The following ITGA11 variants were observed in gnomAD, a reference collection of about 807,000 sequenced individuals.
ITGA11 encodes the protein integrin alpha-11.
Under a neutral mutation model 141.9 loss-of-function variants are expected in ITGA11, and 97 were observed. The observed-to-expected ratio is 0.68, with a 90% confidence interval of 0.58 to 0.81. The LOEUF is 0.81. ITGA11 is among the 30% of genes least tolerant of loss of function. The pLI is 0.00. For synonymous variants in ITGA11, 658 were observed against 624.6 expected (o/e 1.05, Z -0.80); for missense variants, 1,387 against 1,559.2 (o/e 0.89, Z 1.86).
chr15:68,412,451 G>GA (rs1896794804), intron 1 of ITGA11, among the ~76,000 whole-genome samples: 1 of 152,058 alleles, frequency 6.6e-6, no homozygotes, highest in Non-Finnish European at 1.5e-5. Context: ...GGGAATGACA[G>GA]ACGCAGACCC....
At chr15:68,396,657 A>C (rs957775950) in intron 2 of ITGA11, among the ~76,000 whole-genome samples, 1 of 151,444 alleles carries the variant, frequency 6.6e-6, no homozygotes, top group Non-Finnish European at 1.5e-5. Flanking sequence ...ATCTGATTGT[A>C]TATGTAGAAA....
intron 9 of ITGA11, among the ~76,000 whole-genome samples, 183 bp from the exon 10 acceptor site, chr15:68,349,083 C>T (rs931439357): frequency 6.6e-6 from 1 of 152,188 alleles, no homozygotes; most frequent in Non-Finnish European, 1.5e-5. Context: ...TCCCCAGCAC[C>T]CTGTGCAGTG....
chr15:68,330,273 T>A (rs1224385360), intron 15 of ITGA11, among the ~76,000 whole-genome samples: 4 of 152,238 alleles, frequency 2.6e-5, no homozygotes, highest in Non-Finnish European at 4.4e-5. Context: ...TTCAATGCCT[T>A]TTTAAAGTTG....
rs571996838 is a variant in ITGA11, at chr15:68,384,078, C to CTCCT, written c.165-14798_165-14795dup. On this transcript the variant is annotated intron_variant, in intron 2 of 29. Transcript: ENST00000315757. ...CCTCTAAAAGCATGCAATGGCTGAA[C>CTCCT]TCCTGCCTTTCCGAGTTCAGCACTA... Among the ~76,000 whole-genome samples, 91 of 152,176 alleles carry CTCCT rather than the reference C, an allele frequency of 6.0e-4. 2 individuals carry two copies. In the East Asian group the frequency reaches 0.013, roughly 22 times the overall value.
At chr15:68,330,548 G>A (rs1894122660) in intron 15 of ITGA11, among the ~76,000 whole-genome samples, 2 of 150,620 alleles carry the variant, frequency 1.3e-5, no homozygotes, top group Admixed American at 6.7e-5. Flanking sequence ...TGTTTAGGAA[G>A]CATGAAAATG....
At chr15:68,401,866 G>T (rs1347202696) in intron 2 of ITGA11, among the ~76,000 whole-genome samples, 1 of 152,140 alleles carries the variant, frequency 6.6e-6, no homozygotes, top group East Asian at 1.9e-4. Flanking sequence ...TAATAAGTAA[G>T]ATATTTCTTT....
At chr15:68,320,162 T>G (rs188663266) in intron 20 of ITGA11, 23 bp downstream of exon 20, 1 of 1,609,640 alleles carries the variant, frequency 6.2e-7, no homozygotes, top group African/African-American at 1.3e-5. Context: ...AGAGGCAGTC[T>G]GGGCAGGTCG....
chr15:68,429,902 G>T (rs1897232060), intron 1 of ITGA11, among the ~76,000 whole-genome samples: 1 of 152,098 alleles, frequency 6.6e-6, no homozygotes, highest in Non-Finnish European at 1.5e-5. Flanking sequence ...AGCCTTCCTT[G>T]CTTATCTGGC....
chr15:68,309,531 C>A (rs985947173), intron 26 of ITGA11, among the ~76,000 whole-genome samples: 3 of 151,558 alleles, frequency 2.0e-5, no homozygotes, highest in African/African-American at 7.3e-5. Context: ...TGATACCAAC[C>A]ATGTAGTCCA....
At chr15:68,309,590 C>CTTTTTTT (rs913221357) in intron 26 of ITGA11, among the ~76,000 whole-genome samples, 1 of 108,734 alleles carries the variant, frequency 9.2e-6, no homozygotes, top group Non-Finnish European at 1.8e-5. Context: ...CAATACAGTC[C>CTTTTTTT]TTTTTTTTTT....
At position 68,332,606 on chromosome 15, in the gene ITGA11, C is replaced by T. The variant is rs760665648; in HGVS notation, c.1426-128G>A. 5 of 1,045,054 alleles carry T rather than the reference C, an allele frequency of 4.8e-6. 1 individual carries two copies. The Admixed American group carries it at 7.8e-5, about 16-fold the overall frequency. The allele number at this position is 1,045,054 out of a possible 1,614,324, so 64.7% of individuals were successfully genotyped here. On this transcript the variant is annotated intron_variant, in intron 12 of 29. Coordinates refer to ENST00000315757, the MANE Select transcript of ITGA11 (RefSeq NM_001004439.2). ...CAGAATTTTTGGTGAACAAATGGAT[C>T]CTCCCTTCTCACGCGCTACCTCTCT... is the stretch of plus-strand genomic sequence containing the variant.
chr15:68,401,946 G>T (rs564859023), intron 2 of ITGA11, among the ~76,000 whole-genome samples: 2 of 151,912 alleles, frequency 1.3e-5, no homozygotes, highest in Non-Finnish European at 2.9e-5. Context: ...TCAGGAGAGG[G>T]TGTCACAGAA....
rs115398069 is a variant in ITGA11 at position 68,344,098 on chromosome 15, G to A, written c.1132-4454C>T. 4.3e-3 allele frequency among the ~76,000 whole-genome samples: 651 copies of A among 152,250 alleles called. 6 individuals carry two copies. The highest frequency in any genetic ancestry group is 0.015 in the African/African-American group (620 of 41,554). On this transcript the variant is annotated intron_variant, in intron 10 of 29. Transcript: ENST00000315757. ...ACTAGGGCACAGCCTGAGGATATGG[G>A]GCCAGGCTTAGGAGGACCCGAATGA...
At chr15:68,309,716 G>C (rs768036406) in intron 26 of ITGA11, among the ~76,000 whole-genome samples, 92 of 147,620 alleles carry the variant, frequency 6.2e-4, no homozygotes, top group Non-Finnish European at 1.1e-3. Context: ...TGCCCAGCCC[G>C]AGTCGCTGGG....
chr15:68,408,934 T>A (rs890765880), intron 1 of ITGA11, among the ~76,000 whole-genome samples: 24 of 152,152 alleles, frequency 1.6e-4, no homozygotes, highest in African/African-American at 5.8e-4. Context: ...CCTTTCTGGT[T>A]TTCAGTTTAC....
Position 68,299,693 on chromosome 15 carries a change from C to G in ITGA11, c.*3366G>C, listed in dbSNP as rs1892983345. The G allele has an allele frequency of 6.6e-6, 1 of 152,188 alleles. No homozygotes were observed. Among genetic ancestry groups the G allele is most frequent in the African/African-American group, 2.4e-5 (1 of 41,442 alleles). The allele number at this position is 152,188 out of a possible 1,614,324, so 9.4% of individuals were successfully genotyped here. On this transcript the variant is annotated 3_prime_UTR_variant, in exon 30 of 30. Coordinates refer to ENST00000315757, the MANE Select transcript of ITGA11 (RefSeq NM_001004439.2). ...CTGCTTGGCATCCTGGGATTGAAGC[C>G]AGGGGACTGACTCAAGTCTAATGTC...
intron 1 of ITGA11, among the ~76,000 whole-genome samples, chr15:68,417,229 A>G (rs1896909353): frequency 1.3e-5 from 2 of 152,178 alleles, no homozygotes; most frequent in Admixed American, 1.3e-4. Flanking sequence ...CATGCTGGAA[A>G]AGGAACCCAG....
intron 2 of ITGA11, among the ~76,000 whole-genome samples, chr15:68,377,817 C>T (rs1895765696): frequency 6.6e-6 from 1 of 152,212 alleles, no homozygotes; most frequent in African/African-American, 2.4e-5. Flanking sequence ...CTCTTGGTTC[C>T]ACTCCAACCC....
At chr15:68,386,516 C>G (rs1197739213) in intron 2 of ITGA11, among the ~76,000 whole-genome samples, 1 of 152,182 alleles carries the variant, frequency 6.6e-6, no homozygotes, top group African/African-American at 2.4e-5. Context: ...GCCACCATGT[C>G]TGTCCCTCCA....
Sources: allele counts gnomAD v4.1 joint callset (sites outside exome capture counted in the v4.1 genomes callset), GRCh38; gene constraint gnomAD v4.1.1; transcripts MANE v1.5; gene names NCBI Gene and HGNC (gene_info 2026-07-23, HGNC 2026-07-21).